ZBTB7C: variants seen among roughly 807,000 people sequenced by gnomAD.
ZBTB7C encodes zinc finger and BTB domain containing 7C, also known as zinc finger and BTB domain-containing protein 7C.
ZBTB7C carries 8 observed loss-of-function variants against 25.7 expected under a neutral mutation model. The observed-to-expected ratio is 0.31, with a 90% confidence interval of 0.18 to 0.56. The LOEUF (loss-of-function observed/expected upper bound fraction) is 0.56, where lower values mean the gene tolerates loss of function less well. Among genes scored for constraint, ZBTB7C ranks in the 20% least tolerant of loss-of-function variants. ZBTB7C has a pLI of 0.91. For synonymous variants in ZBTB7C, 394 were observed against 369.0 expected, an observed-to-expected ratio of 1.07 and a Z score of -0.78; for missense variants, 824 against 855.2, an observed-to-expected ratio of 0.96 and a Z score of 0.46.
chr18:48,212,438 A>C (rs2042723778), intron 2 of ZBTB7C, among the ~76,000 whole-genome samples: 1 of 152,084 alleles, frequency 6.6e-6, no homozygotes, highest in South Asian at 2.1e-4. Flanking sequence ...AAACCTATAG[A>C]ATATACCACA....
At chr18:48,161,880 C>A (rs964199456) in intron 3 of ZBTB7C, among the ~76,000 whole-genome samples, 2 of 152,024 alleles carry the variant, frequency 1.3e-5, no homozygotes, top group Non-Finnish European at 2.9e-5. Flanking sequence ...AGCCTGTTTC[C>A]CGGGCCTCTC....
chr18:48,215,437 CA>C (rs2042800564), intron 2 of ZBTB7C, among the ~76,000 whole-genome samples: 1 of 152,160 alleles, frequency 6.6e-6, no homozygotes, highest in Admixed American at 6.5e-5. Context: ...CATAAGACAT[CA>C]ATCAATATAT....
In ZBTB7C at chr18:48,115,082, C is replaced by A. The variant is rs1274028962; in HGVS notation, c.-17+70852G>T. 2.0e-5 allele frequency among the ~76,000 whole-genome samples: 3 copies of A among 152,168 alleles called. No homozygotes were observed. In the South Asian group the frequency reaches 6.2e-4, roughly 32 times the overall value. On this transcript the variant is annotated intron_variant, in intron 3 of 4. Coordinates refer to ENST00000590800, the MANE Select transcript of ZBTB7C (RefSeq NM_001318841.2). ...ATTAAGCAATAATTCCCCCATTTCC[C>A]TTTCCATCCAGCCCCTGGTAACCTC...
In ZBTB7C at chr18:48,384,634, AT is replaced by A. The variant is rs373805477; in HGVS notation, c.-304+24591del. On this transcript the variant is annotated intron_variant, in intron 1 of 4. Coordinates refer to ENST00000590800, the MANE Select transcript of ZBTB7C (RefSeq NM_001318841.2). ...CTTAAAACGTGATTTTATTTTTGCA[AT>A]TTTTTTTTTAGCTTATCAGCTATCA... Among the ~76,000 whole-genome samples, 968 of 149,442 alleles carry A rather than the reference AT, an allele frequency of 6.5e-3. 10 individuals are homozygous for A. The highest frequency in any genetic ancestry group is 0.02 in the African/African-American group (833 of 40,814).
intron 2 of ZBTB7C, among the ~76,000 whole-genome samples, chr18:48,336,383 C>T (rs1568383688): frequency 6.6e-6 from 1 of 152,222 alleles, no homozygotes; most frequent in Non-Finnish European, 1.5e-5. Context: ...GTACCGATCA[C>T]TTATTATGGT....
Position 48,040,622 on chromosome 18 carries a change from CTCCTCCTCTTCCTCCTCCTCCTCTTCG to C in ZBTB7C, c.459_485del (p.Asp153_Glu161del). 6.2e-7 allele frequency: 1 copy of C among 1,613,160 alleles called. No homozygotes were observed. Among genetic ancestry groups the C allele is most frequent in the Non-Finnish European group, 8.5e-7 (1 of 1,179,404 alleles). On this transcript the variant is annotated inframe_deletion, in exon 4 of 5. Coordinates refer to ENST00000590800, the MANE Select transcript of ZBTB7C (RefSeq NM_001318841.2). ...AGTCCTCCGTGTCATCATCGTCATC[CTCCTCCTCTTCCTCCTCCTCCTCTTCG>C]TCCTCCTCATCATCATCATCTTCGT...
chr18:48,127,915 C>T (rs1178126930), intron 3 of ZBTB7C, among the ~76,000 whole-genome samples: 1 of 152,206 alleles, frequency 6.6e-6, no homozygotes, highest in African/African-American at 2.4e-5. Context: ...GAGAACTCCA[C>T]AGCTGCGTGT....
At chr18:48,130,714 G>A (rs1006965889) in intron 3 of ZBTB7C, among the ~76,000 whole-genome samples, 1 of 152,146 alleles carries the variant, frequency 6.6e-6, no homozygotes, top group South Asian at 2.1e-4. Context: ...CCAGCTGTGT[G>A]AATCTCTGTG....
At chr18:48,354,460 T>A (rs1039639482) in intron 1 of ZBTB7C, among the ~76,000 whole-genome samples, 2 of 152,136 alleles carry the variant, frequency 1.3e-5, no homozygotes, top group Non-Finnish European at 2.9e-5. Context: ...ATGGACAAAC[T>A]TGACTTGGAA....
intron 3 of ZBTB7C, among the ~76,000 whole-genome samples, chr18:48,043,106 G>A (rs1196720734): frequency 1.3e-5 from 2 of 152,226 alleles, no homozygotes; most frequent in Non-Finnish European, 2.9e-5. Flanking sequence ...TGGTGAGGAT[G>A]TGGAGAAAAG....
At chr18:48,102,692 A>C (rs1431777806) in intron 3 of ZBTB7C, among the ~76,000 whole-genome samples, 2 of 152,182 alleles carry the variant, frequency 1.3e-5, no homozygotes, top group Non-Finnish European at 2.9e-5. Flanking sequence ...AGTGGTTATC[A>C]AAACCAGGAG....
intron 2 of ZBTB7C, among the ~76,000 whole-genome samples, chr18:48,188,704 C>T (rs2042121703): frequency 6.6e-6 from 1 of 152,202 alleles, no homozygotes; most frequent in African/African-American, 2.4e-5. Context: ...AGAACTCAGC[C>T]TCCTTCCACT....
chr18:48,230,422 C>T (rs1197439392), intron 2 of ZBTB7C, among the ~76,000 whole-genome samples: 1 of 151,118 alleles, frequency 6.6e-6, no homozygotes, highest in Non-Finnish European at 1.5e-5. Flanking sequence ...CTGTGTATTC[C>T]TTTTCCTTGC....
chr18:48,309,127 T>C (rs1003544813), intron 2 of ZBTB7C, among the ~76,000 whole-genome samples: 10 of 152,068 alleles, frequency 6.6e-5, no homozygotes, highest in Admixed American at 6.6e-5. Flanking sequence ...GTTGTAAAAA[T>C]AAAAATCACT....
chr18:48,116,897 G>C (rs979877312), intron 3 of ZBTB7C, among the ~76,000 whole-genome samples: 3 of 152,172 alleles, frequency 2.0e-5, no homozygotes, highest in Non-Finnish European at 4.4e-5. Context: ...GGTCTGCCCT[G>C]TGCATAAGGG....
chr18:48,046,025 C>G (rs576410167), intron 3 of ZBTB7C, among the ~76,000 whole-genome samples: 2 of 152,348 alleles, frequency 1.3e-5, no homozygotes, highest in East Asian at 3.9e-4. Flanking sequence ...GGACTCCCGA[C>G]GACAGCAGCC....
intron 2 of ZBTB7C, among the ~76,000 whole-genome samples, chr18:48,256,079 G>A (rs988414990): frequency 1.2e-4 from 19 of 152,132 alleles, no homozygotes; most frequent in African/African-American, 4.3e-4. Flanking sequence ...TGGAGGACAG[G>A]AATAAAGTAT....
chr18:48,071,658 T>C (rs530740973), intron 3 of ZBTB7C, among the ~76,000 whole-genome samples: 1 of 152,284 alleles, frequency 6.6e-6, no homozygotes, highest in African/African-American at 2.4e-5. Context: ...TCAAAAATAA[T>C]TGGAAGCAAG....
intron 1 of ZBTB7C, among the ~76,000 whole-genome samples, chr18:48,376,528 A>T (rs1452322833): frequency 1.3e-5 from 2 of 152,210 alleles, no homozygotes; most frequent in Non-Finnish European, 2.9e-5. Flanking sequence ...TGGAAGCAGG[A>T]CTGTCACTCA....
Sources: allele counts gnomAD v4.1 joint callset (sites outside exome capture counted in the v4.1 genomes callset), GRCh38; gene constraint gnomAD v4.1.1; transcripts MANE v1.5; gene names NCBI Gene and HGNC (gene_info 2026-07-23, HGNC 2026-07-21).